Variants in RAB7A observed in about 807,000 individuals in gnomAD.
RAB7A encodes the protein RAB7A, member RAS oncogene family.
In RAB7A, 2 loss-of-function variants were observed where a neutral mutation model predicts 24.5. The ratio of observed to expected loss-of-function variants is 0.08; its 90% CI spans 0.03 to 0.26. The LOEUF (loss-of-function observed/expected upper bound fraction) is 0.26. Among genes scored for constraint, RAB7A ranks in the 10% least tolerant of loss-of-function variants. The pLI is 1.00. For synonymous variants in RAB7A, 100 were observed against 95.9 expected, an observed-to-expected ratio of 1.04 and a Z score of -0.25; for missense variants, 118 against 255.7, an observed-to-expected ratio of 0.46 and a Z score of 3.67.
chr3:128,811,650 G>C (rs1325644547), intron 5 of RAB7A, among the ~76,000 whole-genome samples: 2 of 152,144 alleles, frequency 1.3e-5, no homozygotes, highest in African/African-American at 4.8e-5. Flanking sequence ...AGGAGTTTGA[G>C]ACCATCTTGG....
intron 1 of RAB7A, among the ~76,000 whole-genome samples, chr3:128,783,405 C>T (rs1184509282): frequency 6.6e-6 from 1 of 152,026 alleles, no homozygotes; most frequent in Non-Finnish European, 1.5e-5. Context: ...TAGACCTCAC[C>T]TGCCCCCTCC....
chr3:128,769,623 A>G (rs2070865623), intron 1 of RAB7A, among the ~76,000 whole-genome samples: 1 of 152,228 alleles, frequency 6.6e-6, no homozygotes, highest in Non-Finnish European at 1.5e-5. Context: ...AGAAGCTCTT[A>G]GTGTTGATGA....
intron 3 of RAB7A, among the ~76,000 whole-genome samples, chr3:128,801,615 A>G (rs149394694): frequency 0.012 from 1,802 of 152,336 alleles, 42 homozygotes; most frequent in Non-Finnish European, 0.012. Flanking sequence ...CTGCTAAATC[A>G]TAGCAGATTG....
At chr3:128,772,146 A>G (rs368735943) in intron 1 of RAB7A, among the ~76,000 whole-genome samples, 17 of 152,260 alleles carry the variant, frequency 1.1e-4, no homozygotes, top group African/African-American at 3.9e-4. Flanking sequence ...AGTAATGTCG[A>G]AATGAACACA....
At chr3:128,788,677 A>G (rs1421517106) in intron 1 of RAB7A, among the ~76,000 whole-genome samples, 2 of 152,092 alleles carry the variant, frequency 1.3e-5, no homozygotes, top group African/African-American at 4.8e-5. Flanking sequence ...AAGAATTCAG[A>G]CTTTCGAATT....
intron 3 of RAB7A, among the ~76,000 whole-genome samples, chr3:128,800,794 G>A (rs1933682584): frequency 6.6e-6 from 1 of 152,186 alleles, no homozygotes; most frequent in Non-Finnish European, 1.5e-5. Flanking sequence ...GCTAGTGGCA[G>A]AAGTTCTAAA....
intron 2 of RAB7A, 44 bp from the exon 3 acceptor site, chr3:128,797,898 GA>G: frequency 6.2e-7 from 1 of 1,605,744 alleles, no homozygotes; most frequent in Admixed American, 1.7e-5. Flanking sequence ...TCAGTTTCAG[GA>G]CCCTCCTATT....
At chr3:128,811,155 C>T (rs2107617582) in intron 5 of RAB7A, among the ~76,000 whole-genome samples, 1 of 151,130 alleles carries the variant, frequency 6.6e-6, no homozygotes, top group East Asian at 1.9e-4. Flanking sequence ...GAGACAGGGT[C>T]TTGCTCTGTC....
In RAB7A at chr3:128,798,112, C is replaced by A. The variant is rs1168277645; in HGVS notation, c.180+43C>A. 3 of 1,606,516 alleles carry A rather than the reference C, an allele frequency of 1.9e-6. No homozygotes were observed. In the South Asian group the frequency reaches 3.3e-5, roughly 18 times the overall value. ...CTGTGCTGACCAGGCCTTGATAGTT[C>A]ATTTAGTCTTAATCTTTCCTCATGC... On this transcript the variant is annotated intron_variant, in intron 3 of 5. Transcript: ENST00000265062.
intron 1 of RAB7A, among the ~76,000 whole-genome samples, chr3:128,728,346 G>A (rs994072663): frequency 2.0e-5 from 3 of 152,150 alleles, no homozygotes; most frequent in Non-Finnish European, 2.9e-5. Context: ...GCATTTGTAT[G>A]GTTTGCTCTT....
At chr3:128,764,923 G>C in intron 1 of RAB7A, 1 of 1,586,284 alleles carries the variant, frequency 6.3e-7, no homozygotes, top group East Asian at 2.2e-5. Flanking sequence ...GTAAACGTAG[G>C]AGGCGTAGAG....
At chr3:128,765,736 C>A (rs2070824603) in intron 1 of RAB7A, among the ~76,000 whole-genome samples, 1 of 149,696 alleles carries the variant, frequency 6.7e-6, no homozygotes, top group Admixed American at 6.7e-5. Flanking sequence ...CTTAATCACT[C>A]CCCCAAAGGC....
intron 1 of RAB7A, among the ~76,000 whole-genome samples, chr3:128,737,002 T>A (rs960961626): frequency 6.6e-6 from 1 of 151,880 alleles, no homozygotes; most frequent in African/African-American, 2.4e-5. Context: ...GTTGCCCGTC[T>A]TTACTCACTA....
intron 1 of RAB7A, among the ~76,000 whole-genome samples, chr3:128,786,228 A>G (rs1346196648): frequency 6.6e-6 from 1 of 152,228 alleles, no homozygotes; most frequent in Non-Finnish European, 1.5e-5. Context: ...CACAAAGTGC[A>G]TTCTGTAAGT....
At chr3:128,761,136 C>G (rs2070773183) in intron 1 of RAB7A, among the ~76,000 whole-genome samples, 1 of 152,144 alleles carries the variant, frequency 6.6e-6, no homozygotes, top group Non-Finnish European at 1.5e-5. Flanking sequence ...GTTGCCTCCT[C>G]CCCATGTTAA....
intron 1 of RAB7A, among the ~76,000 whole-genome samples, chr3:128,726,568 C>T (rs1486763131): frequency 6.6e-6 from 1 of 152,162 alleles, no homozygotes; most frequent in Admixed American, 6.5e-5. Context: ...GGCGTGACCT[C>T]TGGCCGGGTT....
chr3:128,762,977 A>G (rs2070787013), intron 1 of RAB7A, among the ~76,000 whole-genome samples: 1 of 151,918 alleles, frequency 6.6e-6, no homozygotes, highest in Admixed American at 6.6e-5. Context: ...TCACCTGTAA[A>G]TGCTCTCAAG....
At chr3:128,764,809 A>T in intron 1 of RAB7A, 2 of 904,202 alleles carry the variant, frequency 2.2e-6, no homozygotes, top group Non-Finnish European at 3.7e-6. Context: ...CAGCTTCATC[A>T]GTTTCTCGGC....
At position 128,813,603 on chromosome 3, in the gene RAB7A, GCACACA is replaced by G. The variant is rs139417205; in HGVS notation, c.*192_*197del. On this transcript the variant is annotated 3_prime_UTR_variant, in exon 6 of 6. Coordinates refer to ENST00000265062, the MANE Select transcript of RAB7A (RefSeq NM_004637.6). ...ATATCTCTCACACACACACACACAC[GCACACA>G]CACACACACAGATCTGACGTAATCA... The G allele has an allele frequency of 6.6e-5, 34 of 512,770 alleles. 2 individuals are homozygous for G. The highest frequency in any genetic ancestry group is 3.9e-4 in the South Asian group (21 of 53,546). 31.8% of individuals were successfully genotyped at this position (512,770 alleles called of 1,614,324 possible).
Sources: allele counts gnomAD v4.1 joint callset (sites outside exome capture counted in the v4.1 genomes callset), GRCh38; gene constraint gnomAD v4.1.1; transcripts MANE v1.5; gene names NCBI Gene and HGNC (gene_info 2026-07-23, HGNC 2026-07-21).